Variants in SUN3 observed in about 807,000 individuals in gnomAD.
The protein encoded by SUN3 is Sad1 and UNC84 domain containing 3.
Under a neutral mutation model 48.2 loss-of-function variants are expected in SUN3, and 36 were observed. That is an observed-to-expected ratio of 0.75 (90% CI 0.57 to 0.99). The LOEUF is 0.99. SUN3 is among the 50% of genes least tolerant of loss of function. The pLI is 0.00. For synonymous variants in SUN3, 148 were observed against 147.9 expected (o/e 1.00, Z 0.00); for missense variants, 419 against 433.1 (o/e 0.97, Z 0.29).
At chr7:48,025,969 G>T (rs201660471) in intron 1 of SUN3, 31 bp from the exon 2 acceptor site, 147 of 1,479,528 alleles carry the variant, frequency 9.9e-5, no homozygotes, top group Non-Finnish European at 1.3e-4. Context: ...ATTAGAAAAA[G>T]AATTTAACAA....
At chr7:47,998,144 G>A (rs574971607) in intron 6 of SUN3, among the ~76,000 whole-genome samples, 42 of 152,340 alleles carry the variant, frequency 2.8e-4, no homozygotes, top group African/African-American at 9.6e-4. Flanking sequence ...ATAAGAAATT[G>A]TCAAACTTTG....
intron 3 of SUN3, among the ~76,000 whole-genome samples, chr7:48,010,609 C>A (rs1295095451): frequency 2.0e-5 from 3 of 152,172 alleles, no homozygotes; most frequent in African/African-American, 4.8e-5. Flanking sequence ...TTGGAGGATT[C>A]CCGCAGCAGT....
chr7:48,021,995 A>G (rs1790011307), intron 2 of SUN3, among the ~76,000 whole-genome samples: 1 of 152,172 alleles, frequency 6.6e-6, no homozygotes, highest in Non-Finnish European at 1.5e-5. Flanking sequence ...ATTGTTCACA[A>G]TAGCTAAGAT....
At chr7:47,989,514 G>T (rs1277080699) in intron 8 of SUN3, among the ~76,000 whole-genome samples, 4 of 152,162 alleles carry the variant, frequency 2.6e-5, no homozygotes, top group African/African-American at 9.7e-5. Context: ...TTTATTTTGT[G>T]AATCTGAAGT....
chr7:48,012,034 T>G (rs564950120), intron 3 of SUN3, among the ~76,000 whole-genome samples: 2 of 152,320 alleles, frequency 1.3e-5, no homozygotes, highest in Admixed American at 1.3e-4. Flanking sequence ...AAGGCTGCTT[T>G]GTGTATAGTT....
chr7:48,026,465 C>A (rs1469328639), intron 1 of SUN3, among the ~76,000 whole-genome samples: 1 of 151,912 alleles, frequency 6.6e-6, no homozygotes, highest in Non-Finnish European at 1.5e-5. Flanking sequence ...GTGCTCTTTT[C>A]TGTATAATTG....
intron 9 of SUN3, 58 bp downstream of exon 9, chr7:47,988,730 C>T (rs373677679): frequency 9.3e-7 from 1 of 1,076,914 alleles, no homozygotes; most frequent in Non-Finnish European, 1.4e-6. Context: ...TGAAGCAATC[C>T]CAACAAATTT....
intron 6 of SUN3, among the ~76,000 whole-genome samples, chr7:48,001,531 G>GTTTTTTTTTTTTT (rs1166666161): frequency 5.4e-5 from 6 of 110,510 alleles, no homozygotes; most frequent in African/African-American, 1.5e-4. Context: ...TGTTTTTTTT[G>GTTTTTTTTTTTTT]TTTTTTTTTT....
chr7:48,003,070 A>G (rs183851674), intron 6 of SUN3, among the ~76,000 whole-genome samples: 2 of 151,578 alleles, frequency 1.3e-5, no homozygotes. Flanking sequence ...TTAAGTCTAT[A>G]TTCCATTTCA....
At position 47,987,416 on chromosome 7, in the gene SUN3, G is replaced by C; in HGVS notation, c.988C>G (p.Leu330Val). ...AVSEYLLCVK[L>V]NIFSNWGHPK... ...TGTCCCCAGTTGCTAAAGATATTAA[G>C]TTTCACACATAATAAATATTCAGAA... is the stretch of plus-strand genomic sequence containing the variant. Residue 330 changes from leucine to valine, a missense_variant, in exon 10 of 10, where the codon CTT becomes GTT. By Grantham distance (32) the Leu-to-Val change is conservative. Coordinates refer to ENST00000297325, the MANE Select transcript of SUN3 (RefSeq NM_001030019.2). The C allele has an allele frequency of 6.3e-7, 1 of 1,593,008 alleles. No individual in the cohort carries two copies. The highest frequency in any genetic ancestry group is 8.5e-7 in the Non-Finnish European group (1 of 1,170,514).
rs1252316618 is a variant in SUN3 at position 48,007,303 on chromosome 7, GT to G, written c.353del (p.Asn118ThrfsTer9). On this transcript the variant is annotated frameshift_variant, in exon 5 of 10. Transcript: ENST00000297325. LOFTEE classifies it high-confidence loss of function. ...TCAAAAATAGAATTTGACGAAAATTGTTTTCCAGATTCTGGCTTTCCTTCCT... is the reference window on the plus strand; with the variant it reads ...TCAAAAATAGAATTTGACGAAAATTGTTTCCAGATTCTGGCTTTCCTTCCT... ...LLKKESQNLENNFRQILFLIE... is the reference protein window; with the variant it reads ...LLKKESQNLEXNFRQILFLIE... The G allele has an allele frequency of 6.2e-7, 1 of 1,613,942 alleles. No homozygotes were observed. The highest frequency in any genetic ancestry group is 2.2e-5 in the East Asian group (1 of 44,882).
intron 8 of SUN3, among the ~76,000 whole-genome samples, chr7:47,989,155 T>C (rs983628841): frequency 2.0e-5 from 3 of 152,314 alleles, no homozygotes; most frequent in Non-Finnish European, 2.9e-5. Flanking sequence ...CATAGATAGA[T>C]AGTTAGAAGA....
upstream of SUN3, chr7:48,029,145 A>G (rs886316523): frequency 1.5e-6 from 1 of 648,628 alleles, no homozygotes; most frequent in African/African-American, 1.9e-5. Context: ...ACACCTCATA[A>G]TGCAGATGGC....
intron 6 of SUN3, among the ~76,000 whole-genome samples, chr7:47,998,440 G>GTT (rs61247150): frequency 6.6e-6 from 1 of 152,058 alleles, no homozygotes; most frequent in African/African-American, 2.4e-5. Flanking sequence ...AAGCTTGACA[G>GTT]TTTTTTATAA....
At position 48,028,879 on chromosome 7, in the gene SUN3, G is replaced by A. The variant is rs757857523; in HGVS notation, c.60C>T (p.Asp20=). The stretch of plus-strand genomic sequence containing the variant: ...CATTGCCACTGGCGCTACCGCTGGC[G>A]TCTTCAGAGCAACGTCTAAAAAACA... ...AAMFFRRCSE[D]ASGSASGNAL... The change falls in exon 1 of 10, where the codon GAC becomes GAT. Residue 20 remains aspartate, a synonymous_variant. Transcript: ENST00000297325. 1.3e-5 allele frequency: 21 copies of A among 1,613,792 alleles called. No individual in the cohort carries two copies. The highest frequency in any genetic ancestry group is 6.7e-5 in the Admixed American group (4 of 59,992).
At chr7:48,029,163 CCCAG>C (rs1790219740), upstream of SUN3, 2 of 545,680 alleles carry the variant, frequency 3.7e-6, no homozygotes, top group Admixed American at 7.0e-5. Flanking sequence ...GGCCACCACG[CCCAG>C]CCAGGGCATG....
At position 47,989,211 on chromosome 7, in the gene SUN3, T is replaced by A. The variant is rs112520622; in HGVS notation, c.862-331A>T. 4.5e-3 allele frequency among the ~76,000 whole-genome samples: 679 copies of A among 152,314 alleles called. 2 individuals carry two copies. Among genetic ancestry groups the A allele is most frequent in the Non-Finnish European group, 7.8e-3 (528 of 68,028 alleles). ...GATAGATGGAAGACAGATACATACATATAGAGCAAATCCCAACATTAACTT... is the reference window on the plus strand; with the variant it reads ...GATAGATGGAAGACAGATACATACAAATAGAGCAAATCCCAACATTAACTT... On this transcript the variant is annotated intron_variant, in intron 8 of 9. Coordinates refer to ENST00000297325, the MANE Select transcript of SUN3 (RefSeq NM_001030019.2).
At chr7:47,987,875 A>T (rs1418973738) in intron 9 of SUN3, among the ~76,000 whole-genome samples, 1 of 152,202 alleles carries the variant, frequency 6.6e-6, no homozygotes, top group South Asian at 2.1e-4. Flanking sequence ...TTCAAATATC[A>T]GTCTAATGAA....
At chr7:48,006,969 G>C (rs560950884) in intron 5 of SUN3, among the ~76,000 whole-genome samples, 196 bp downstream of exon 5, 39 of 152,300 alleles carry the variant, frequency 2.6e-4, no homozygotes, top group Middle Eastern at 6.8e-3. Flanking sequence ...ATATGCAATA[G>C]AATGTCTTCT....
Sources: gnomAD v4.1 joint callset for allele counts (sites outside exome capture counted in the v4.1 genomes callset) on GRCh38, gnomAD v4.1.1 for gene constraint, MANE v1.5 for transcripts, NCBI Gene and HGNC (gene_info 2026-07-23, HGNC 2026-07-21) for gene names.